The following MDGA2 variants were observed in gnomAD, a reference collection of about 807,000 sequenced individuals.
The protein encoded by MDGA2 is MAM domain containing glycosylphosphatidylinositol anchor 2.
MDGA2 carries 40 observed loss-of-function variants against 117.8 expected under a neutral mutation model. That is an observed-to-expected ratio of 0.34 (90% CI 0.26 to 0.44). The LOEUF is 0.44. Among genes scored for constraint, MDGA2 ranks in the 20% least tolerant of loss-of-function variants. The pLI, the probability that MDGA2 is intolerant of heterozygous loss-of-function variation, is 1.00. For synonymous variants in MDGA2, 452 were observed against 439.0 expected, an observed-to-expected ratio of 1.03 and a Z score of -0.37; for missense variants, 1,123 against 1,250.6, an observed-to-expected ratio of 0.90 and a Z score of 1.54.
At chr14:47,665,651 G>A (rs1897934001) in intron 1 of MDGA2, among the ~76,000 whole-genome samples, 1 of 152,180 alleles carries the variant, frequency 6.6e-6, no homozygotes, top group African/African-American at 2.4e-5. Context: ...CCGGCCCTGA[G>A]CAATGGGGGG....
Position 47,389,617 on chromosome 14 carries a change from CACACACACACACA to C in MDGA2, c.281-88080_281-88068del, listed in dbSNP as rs1566765650. On this transcript the variant is annotated intron_variant, in intron 1 of 16. Coordinates refer to ENST00000399232, the MANE Select transcript of MDGA2 (RefSeq NM_001113498.3). ...ACACACACACACACCCACACACACA[CACACACACACACA>C]CACACACACTTCAGAAAGCAAAGCA... Among the ~76,000 whole-genome samples, 423 of 151,470 alleles carry C rather than the reference CACACACACACACA, an allele frequency of 2.8e-3. 2 individuals carry two copies. Among genetic ancestry groups the C allele is most frequent in the African/African-American group, 9.5e-3 (393 of 41,314 alleles).
At chr14:47,327,999 T>C (rs986910323) in intron 1 of MDGA2, among the ~76,000 whole-genome samples, 2 of 152,196 alleles carry the variant, frequency 1.3e-5, no homozygotes, top group East Asian at 3.9e-4. Flanking sequence ...TAATGTACTC[T>C]TACACATTTT....
At chr14:47,221,804 A>G (rs1488363610) in intron 2 of MDGA2, among the ~76,000 whole-genome samples, 3 of 151,774 alleles carry the variant, frequency 2.0e-5, no homozygotes, top group Non-Finnish European at 4.4e-5. Flanking sequence ...ATAAATATAC[A>G]TTTAATTTTT....
intron 1 of MDGA2, among the ~76,000 whole-genome samples, chr14:47,598,044 G>T (rs1896580372): frequency 6.6e-6 from 1 of 152,070 alleles, no homozygotes; most frequent in African/African-American, 2.4e-5. Flanking sequence ...AAAACAAGCT[G>T]CCATAACCAT....
In MDGA2 at chr14:47,039,046, T is replaced by C. The variant is rs530534506; in HGVS notation, c.1526-3742A>G. On this transcript the variant is annotated intron_variant, in intron 7 of 16. Coordinates refer to ENST00000399232, the MANE Select transcript of MDGA2 (RefSeq NM_001113498.3). ...AAGACTGTATAATTTCTCAAACCTG[T>C]TATATGTTTTTCTATCTTTCTGTCC... Among the ~76,000 whole-genome samples the C allele has an allele frequency of 9.9e-5, 15 of 152,266 alleles. No individual in the cohort carries two copies. In the South Asian group the frequency reaches 1.9e-3, roughly 19 times the overall value.
intron 1 of MDGA2, among the ~76,000 whole-genome samples, chr14:47,507,365 G>A (rs1356766908): frequency 6.6e-6 from 1 of 152,114 alleles, no homozygotes; most frequent in South Asian, 2.1e-4. Flanking sequence ...TTCAGAAGAT[G>A]AACTACCAGG....
intron 1 of MDGA2, among the ~76,000 whole-genome samples, chr14:47,449,763 T>C (rs998440087): frequency 6.6e-6 from 1 of 152,162 alleles, no homozygotes; most frequent in Non-Finnish European, 1.5e-5. Context: ...ATCGACCAAC[T>C]TTTTTATGCT....
chr14:47,140,186 A>T lies in MDGA2; in HGVS notation c.792+3892T>A, dbSNP rs975899136. On this transcript the variant is annotated intron_variant, in intron 4 of 16. Coordinates refer to ENST00000399232, the MANE Select transcript of MDGA2 (RefSeq NM_001113498.3). ...ACATCGATGAGAAAAACTGAAGAGGATACAATTAAATTGGAAGATATCACA... is the reference window on the plus strand; with the variant it reads ...ACATCGATGAGAAAAACTGAAGAGGTTACAATTAAATTGGAAGATATCACA... 5.3e-5 allele frequency among the ~76,000 whole-genome samples: 8 copies of T among 152,180 alleles called. No individual in the cohort carries two copies. In the East Asian group the frequency reaches 1.5e-3, roughly 29 times the overall value.
At chr14:47,384,011 A>AGATAGATAGATAGATC (rs1256167861) in intron 1 of MDGA2, among the ~76,000 whole-genome samples, 1 of 117,852 alleles carries the variant, frequency 8.5e-6, no homozygotes, top group Admixed American at 9.8e-5. Context: ...ATAGATAGAT[A>AGATAGATAGATAGATC]GATAATAGAT....
chr14:46,877,535 C>CA, intron 11 of MDGA2, 26 bp from the exon 12 acceptor site: 1 of 1,502,832 alleles, frequency 6.7e-7, no homozygotes, highest in Non-Finnish European at 9.1e-7. Context: ...AAGAAACAAA[C>CA]AAACAAAAAA....
intron 8 of MDGA2, chr14:46,996,875 C>A: frequency 3.5e-6 from 1 of 286,158 alleles, no homozygotes. Context: ...CTGGAAGTAG[C>A]CAATGCATAT....
chr14:47,335,320 G>C (rs1890410263), intron 1 of MDGA2, among the ~76,000 whole-genome samples: 1 of 151,040 alleles, frequency 6.6e-6, no homozygotes, highest in Non-Finnish European at 1.5e-5. Flanking sequence ...CGTAGGTTGA[G>C]GGGTTGCAAT....
chr14:47,018,893 C>CA (rs1423406725), intron 8 of MDGA2, among the ~76,000 whole-genome samples: 1 of 152,028 alleles, frequency 6.6e-6, no homozygotes, highest in East Asian at 1.9e-4. Flanking sequence ...GCTGTCAGGA[C>CA]AAAACATAAT....
intron 14 of MDGA2, among the ~76,000 whole-genome samples, chr14:46,866,692 C>T (rs1165320594): frequency 6.7e-6 from 1 of 148,178 alleles, no homozygotes; most frequent in African/African-American, 2.5e-5. Context: ...AACAAATTTA[C>T]AAGAAAAAAA....
In MDGA2 at chr14:47,296,553, C is replaced by A. The variant is rs532065116; in HGVS notation, c.420+4858G>T. On this transcript the variant is annotated intron_variant, in intron 2 of 16. Coordinates refer to ENST00000399232, the MANE Select transcript of MDGA2 (RefSeq NM_001113498.3). ...ACATGTGGGAAAATGTTCAAATTGG[C>A]TAGTGATTTAAAATGCAAATTTAAA... Among the ~76,000 whole-genome samples the A allele has an allele frequency of 5.3e-5, 8 of 152,198 alleles. No homozygotes were observed. In the South Asian group the frequency reaches 1.7e-3, roughly 32 times the overall value.
At chr14:47,344,695 C>A (rs183983212) in intron 1 of MDGA2, among the ~76,000 whole-genome samples, 2 of 151,892 alleles carry the variant, frequency 1.3e-5, no homozygotes, top group African/African-American at 2.4e-5. Flanking sequence ...TATTTATTAA[C>A]CTATATAAAA....
intron 6 of MDGA2, among the ~76,000 whole-genome samples, chr14:47,088,364 T>G (rs1890986743): frequency 6.6e-6 from 1 of 152,166 alleles, no homozygotes; most frequent in Non-Finnish European, 1.5e-5. Flanking sequence ...AAATAAGCAC[T>G]TAATCTGCAT....
intron 6 of MDGA2, among the ~76,000 whole-genome samples, chr14:47,073,510 G>A (rs116818347): frequency 0.031 from 4,759 of 152,192 alleles, 259 homozygotes; most frequent in African/African-American, 0.11. Context: ...TTTTTATTCC[G>A]TATTTCTGAG....
chr14:46,879,238 A>T (rs1882351761), intron 11 of MDGA2, among the ~76,000 whole-genome samples: 1 of 152,068 alleles, frequency 6.6e-6, no homozygotes, highest in Non-Finnish European at 1.5e-5. Context: ...TGTGAAGAAG[A>T]CATGGTGAAA....
Sources: gnomAD v4.1 joint callset for allele counts (sites outside exome capture counted in the v4.1 genomes callset) on GRCh38, gnomAD v4.1.1 for gene constraint, MANE v1.5 for transcripts, NCBI Gene and HGNC (gene_info 2026-07-23, HGNC 2026-07-21) for gene names.